The following SLC44A1 variants were observed in gnomAD, a reference collection of about 807,000 sequenced individuals.
The protein encoded by SLC44A1 is choline transporter-like protein 1.
SLC44A1 carries 26 observed loss-of-function variants against 79.3 expected under a neutral mutation model. The ratio of observed to expected loss-of-function variants is 0.33; its 90% CI spans 0.24 to 0.46. The LOEUF is 0.46. Among genes scored for constraint, SLC44A1 ranks in the 20% least tolerant of loss-of-function variants. The pLI is 1.00. For synonymous variants in SLC44A1, 263 were observed against 286.2 expected, an observed-to-expected ratio of 0.92 and a Z score of 0.82; for missense variants, 688 against 798.1, an observed-to-expected ratio of 0.86 and a Z score of 1.66.
At chr9:105,349,969 T>G (rs1359606549) in intron 5 of SLC44A1, among the ~76,000 whole-genome samples, 1 of 152,156 alleles carries the variant, frequency 6.6e-6, no homozygotes, top group Non-Finnish European at 1.5e-5. Flanking sequence ...TTCCAGTTTT[T>G]GGTACACACA....
Position 105,390,553 on chromosome 9 carries a change from A to G in SLC44A1, c.*1497A>G. 1.0e-6 allele frequency: 1 copy of G among 985,708 alleles called. No individual in the cohort carries two copies. The highest frequency in any genetic ancestry group is 1.2e-6 in the Non-Finnish European group (1 of 829,898). 61.1% of individuals were successfully genotyped at this position (985,708 alleles called of 1,614,324 possible). ...AATTAGATCGGTATTATGGAAATGCATACAAGTAATGTCACTAGGGCTTAA... is the reference window on the plus strand; with the variant it reads ...AATTAGATCGGTATTATGGAAATGCGTACAAGTAATGTCACTAGGGCTTAA... On this transcript the variant is annotated 3_prime_UTR_variant, in exon 16 of 16. Coordinates refer to ENST00000374720, the MANE Select transcript of SLC44A1 (RefSeq NM_080546.5).
intron 15 of SLC44A1, among the ~76,000 whole-genome samples, chr9:105,406,629 C>A (rs911720780): frequency 2.0e-5 from 3 of 152,072 alleles, no homozygotes; most frequent in Non-Finnish European, 4.4e-5. Flanking sequence ...GTAGTCCCAC[C>A]TACTCAGGAG....
rs144461449 is a variant in SLC44A1, at chr9:105,392,652, T to C, written c.*3596T>C. The C allele has an allele frequency of 4.1e-6, 4 of 985,458 alleles. No individual in the cohort carries two copies. The highest frequency in any genetic ancestry group is 4.8e-6 in the Non-Finnish European group (4 of 829,990). 61.0% of individuals were successfully genotyped at this position (985,458 alleles called of 1,614,324 possible). A position where few individuals can be genotyped will look rare whatever the true frequency, so the allele number is the denominator to read the frequency against. Reference sequence around the variant, plus strand: ...CTACAGGAACTGCAGGCACCACATATGTGTGAGGCCACATCACTGCCCCTG... The same window carrying C: ...CTACAGGAACTGCAGGCACCACATACGTGTGAGGCCACATCACTGCCCCTG... On this transcript the variant is annotated 3_prime_UTR_variant, in exon 16 of 16. Coordinates refer to ENST00000374720, the MANE Select transcript of SLC44A1 (RefSeq NM_080546.5).
Position 105,389,031 on chromosome 9 carries a change from A to G in SLC44A1, c.1951-2A>G. On this transcript the variant is annotated splice_acceptor_variant, in intron 15 of 15. Transcript: ENST00000374720. LOFTEE classifies it high-confidence loss of function. Reference sequence around the variant, plus strand: ...TATACTCTGTATGACTTTGTTTTCTAGGCTTCGGGAGCAAGTTCTGCTTGA... The same window carrying G: ...TATACTCTGTATGACTTTGTTTTCTGGGCTTCGGGAGCAAGTTCTGCTTGA... 6.2e-7 allele frequency: 1 copy of G among 1,612,212 alleles called. No individual in the cohort carries two copies. Among genetic ancestry groups the G allele is most frequent in the Non-Finnish European group, 8.5e-7 (1 of 1,178,402 alleles).
intron 3 of SLC44A1, among the ~76,000 whole-genome samples, chr9:105,321,270 C>CT (rs944057612): frequency 3.3e-5 from 5 of 152,072 alleles, no homozygotes; most frequent in African/African-American, 9.6e-5. Flanking sequence ...CAAGGTTTAT[C>CT]TTTTTTCTCC....
At chr9:105,374,487 A>G (rs979459396) in intron 12 of SLC44A1, 111 bp from the exon 13 acceptor site, 7 of 957,466 alleles carry the variant, frequency 7.3e-6, no homozygotes, top group African/African-American at 4.9e-5. Flanking sequence ...AAAGGGTGCC[A>G]TGTGTTTGAC....
At chr9:105,407,263 G>A (rs1164614126) in intron 15 of SLC44A1, among the ~76,000 whole-genome samples, 1 of 152,098 alleles carries the variant, frequency 6.6e-6, no homozygotes, top group African/African-American at 2.4e-5. Context: ...AAAAATACTT[G>A]AAGAAATAAT....
At chr9:105,386,379 T>G in intron 15 of SLC44A1, 1 of 969,264 alleles carries the variant, frequency 1.0e-6, no homozygotes, top group Non-Finnish European at 1.2e-6. Flanking sequence ...CATCCTTAAA[T>G]AATTTTAAAC....
At chr9:105,365,409 C>T in intron 10 of SLC44A1, 74 bp from the exon 11 acceptor site, 2 of 1,216,638 alleles carry the variant, frequency 1.6e-6, no homozygotes, top group South Asian at 2.8e-5. Flanking sequence ...CTGCGTTGGA[C>T]TCTAAACCAT....
At chr9:105,402,391 A>G (rs1399338266) in intron 15 of SLC44A1, among the ~76,000 whole-genome samples, 2 of 152,172 alleles carry the variant, frequency 1.3e-5, no homozygotes, top group Non-Finnish European at 2.9e-5. Context: ...ATGAAGGCCT[A>G]TACTCAGGAT....
chr9:105,338,846 A>G (rs983849739), intron 4 of SLC44A1, among the ~76,000 whole-genome samples: 9 of 152,236 alleles, frequency 5.9e-5, no homozygotes, highest in African/African-American at 2.2e-4. Context: ...AGCCTCAAAT[A>G]TATAGACCTC....
At chr9:105,356,819 G>A (rs1827637911) in intron 6 of SLC44A1, among the ~76,000 whole-genome samples, 1 of 151,432 alleles carries the variant, frequency 6.6e-6, no homozygotes, top group Non-Finnish European at 1.5e-5. Flanking sequence ...TTTTTTCATT[G>A]CTACAGTGCA....
rs1251652379 is a variant in SLC44A1 at position 105,351,602 on chromosome 9, GAA to G, written c.500+3153_500+3154del. Among the ~76,000 whole-genome samples the G allele has an allele frequency of 6.5e-3, 307 of 47,526 alleles. 3 individuals are homozygous for G. The highest frequency in any genetic ancestry group is 0.023 in the African/African-American group (285 of 12,336). The allele number at this position is 47,526 out of a possible 152,430, so 31.2% of individuals were successfully genotyped here. On this transcript the variant is annotated intron_variant, in intron 5 of 15. Coordinates refer to ENST00000374720, the MANE Select transcript of SLC44A1 (RefSeq NM_080546.5). ...AAAGAGAGAAAGAGAGAAAGAGAAA[GAA>G]AGAAAGAAAGAAAGAAAGAGAGAGA... is the stretch of plus-strand genomic sequence containing the variant.
chr9:105,420,408 G>A (rs981768522), intron 15 of SLC44A1, among the ~76,000 whole-genome samples: 3 of 152,140 alleles, frequency 2.0e-5, no homozygotes, highest in Non-Finnish European at 2.9e-5. Context: ...CCTTTGTCCC[G>A]GAGACATGTG....
At chr9:105,400,916 TTAAA>T (rs1327407853), downstream of SLC44A1, among the ~76,000 whole-genome samples, 2 of 152,220 alleles carry the variant, frequency 1.3e-5, no homozygotes, top group Non-Finnish European at 2.9e-5. Context: ...TACGTAATAT[TTAAA>T]TAATCCTGGC....
rs572639094 is a variant in SLC44A1 at position 105,335,518 on chromosome 9, T to C, written c.270-45T>C. The C allele has an allele frequency of 2.6e-6, 4 of 1,519,106 alleles. No individual in the cohort carries two copies. The East Asian group carries it at 9.1e-5, about 35-fold the overall frequency. The allele number at this position is 1,519,106 out of a possible 1,614,324, so 94.1% of individuals were successfully genotyped here. A position where few individuals can be genotyped will look rare whatever the true frequency, so the allele number is the denominator to read the frequency against. Reference sequence around the variant, plus strand: ...TAGTCAAATATGCAGGGACCCACAATGTGTTTTGTGAAGTAATATCTCAGT... The same window carrying C: ...TAGTCAAATATGCAGGGACCCACAACGTGTTTTGTGAAGTAATATCTCAGT... On this transcript the variant is annotated intron_variant, in intron 3 of 15. Transcript: ENST00000374720.
intron 15 of SLC44A1, among the ~76,000 whole-genome samples, chr9:105,405,701 C>T (rs917584485): frequency 1.3e-5 from 2 of 152,098 alleles, no homozygotes; most frequent in Non-Finnish European, 2.9e-5. Context: ...CCTGAATGAT[C>T]AACTCAGGGG....
intron 1 of SLC44A1, among the ~76,000 whole-genome samples, chr9:105,246,046 G>A (rs1310628361): frequency 1.3e-5 from 2 of 152,180 alleles, no homozygotes; most frequent in South Asian, 4.1e-4. Flanking sequence ...AGTTTCATTA[G>A]CGTAGTTTCA....
At chr9:105,436,712 T>A (rs1353325477) in intron 15 of SLC44A1, among the ~76,000 whole-genome samples, 20 of 152,220 alleles carry the variant, frequency 1.3e-4, no homozygotes, top group Non-Finnish European at 5.9e-5. Flanking sequence ...TAGGGATTTA[T>A]TCTATCAGCA....
Sources: allele counts gnomAD v4.1 joint callset (sites outside exome capture counted in the v4.1 genomes callset), GRCh38; gene constraint gnomAD v4.1.1; transcripts MANE v1.5; gene names NCBI Gene and HGNC (gene_info 2026-07-23, HGNC 2026-07-21).